EED: variants seen among roughly 807,000 people sequenced by gnomAD.
EED encodes the protein polycomb protein EED.
Under a neutral mutation model 61.0 loss-of-function variants are expected in EED, and 9 were observed. That is an observed-to-expected ratio of 0.15 (90% confidence interval 0.09 to 0.26). The LOEUF (loss-of-function observed/expected upper bound fraction) is 0.26. Among genes scored for constraint, EED ranks in the 10% least tolerant of loss-of-function variants. The pLI, the probability that EED is intolerant of heterozygous loss-of-function variation, is 1.00. For missense variants in EED, 315 were observed against 542.3 expected (o/e 0.58, Z 4.16); for synonymous variants, 187 against 174.4 (o/e 1.07, Z -0.57).
At chr11:86,268,594 C>CGTGTGTATGT in intron 9 of EED, 33 bp downstream of exon 9, 1 of 819,598 alleles carries the variant, frequency 1.2e-6, no homozygotes. Flanking sequence ...GTACTTCCAT[C>CGTGTGTATGT]GTGTGTGTGT....
chr11:86,268,446 C>T lies in EED; in HGVS notation c.861-10C>T. On this transcript the variant is annotated splice_polypyrimidine_tract_variant and intron_variant, in intron 8 of 11. Transcript: ENST00000263360. The stretch of plus-strand genomic sequence containing the variant: ...TCTTTTAACTTTTTACATTTCCATT[C>T]TTCCTTCAGGCCATTTATTTCTCAG... The T allele has an allele frequency of 6.9e-7, 1 of 1,454,156 alleles. No individual in the cohort carries two copies. The allele number at this position is 1,454,156 out of a possible 1,614,324, so 90.1% of individuals were successfully genotyped here.
At chr11:86,264,453 A>ATTTT (rs71468992) in intron 7 of EED, 190 bp downstream of exon 7, 61 of 422,022 alleles carry the variant, frequency 1.4e-4, no homozygotes, top group African/African-American at 9.7e-4. Flanking sequence ...TTATTTATTT[A>ATTTT]TTTTTTAAAT....
At chr11:86,268,378 TA>T in intron 8 of EED, 77 bp from the exon 9 acceptor site, 2 of 995,686 alleles carry the variant, frequency 2.0e-6, no homozygotes, top group Non-Finnish European at 2.9e-6. Flanking sequence ...CCAAGTTTTA[TA>T]AATCCAAAAA....
chr11:86,255,369 A>G (rs761747411), intron 4 of EED, 82 bp downstream of exon 4: 3 of 1,112,046 alleles, frequency 2.7e-6, no homozygotes, highest in African/African-American at 1.6e-5. Flanking sequence ...TAAATTAATC[A>G]TTTCCCTAAA....
intron 9 of EED, chr11:86,276,678 G>A (rs1593774246): frequency 5.1e-6 from 1 of 196,476 alleles, no homozygotes; most frequent in Non-Finnish European, 1.0e-5. Context: ...AAGTCTCTGG[G>A]TGTCAGAGTA....
the EED span, among the ~76,000 whole-genome samples, chr11:86,286,380 GA>G: frequency 2.6e-5 from 4 of 151,322 alleles, no homozygotes; most frequent in African/African-American, 9.7e-5. Context: ...TGTTTCGAAG[GA>G]AAAAAAATGG....
intron 9 of EED, chr11:86,276,073 G>C (rs1337895883): frequency 6.6e-6 from 1 of 152,078 alleles, no homozygotes; most frequent in Non-Finnish European, 1.5e-5. Context: ...ATTTAGTTTA[G>C]GCCAGATAAT....
intron 1 of EED, among the ~76,000 whole-genome samples, chr11:86,246,648 A>G (rs1344724905): frequency 6.6e-6 from 1 of 152,178 alleles, no homozygotes; most frequent in South Asian, 2.1e-4. Flanking sequence ...TGTGCGCCCC[A>G]ATCTCACTGT....
At chr11:86,279,997 A>T (rs759822512), downstream of EED, among the ~76,000 whole-genome samples, 4 of 152,212 alleles carry the variant, frequency 2.6e-5, no homozygotes, top group Non-Finnish European at 4.4e-5. Flanking sequence ...CACATAATGA[A>T]ATCCTTCCTG....
At chr11:86,279,863 T>C (rs1370719516), downstream of EED, among the ~76,000 whole-genome samples, 2 of 152,190 alleles carry the variant, frequency 1.3e-5, no homozygotes, top group Non-Finnish European at 2.9e-5. Flanking sequence ...GAAATTTTAA[T>C]AGGAACTTCA....
At chr11:86,277,854 C>T in intron 10 of EED, 64 bp from the exon 11 acceptor site, 1 of 1,439,348 alleles carries the variant, frequency 6.9e-7, no homozygotes, top group Non-Finnish European at 9.2e-7. Flanking sequence ...TCTGAGGATT[C>T]CTCCAATGCT....
At chr11:86,276,118 A>C (rs998559191) in intron 9 of EED, 1 of 152,168 alleles carries the variant, frequency 6.6e-6, no homozygotes, top group African/African-American at 2.4e-5. Flanking sequence ...GTGCATTATA[A>C]GATATTTAGT....
chr11:86,269,271 T>C (rs549781591), intron 9 of EED, among the ~76,000 whole-genome samples: 5 of 152,256 alleles, frequency 3.3e-5, no homozygotes, highest in Admixed American at 2.6e-4. Flanking sequence ...TTGTACCATT[T>C]TGGTAAAGTT....
In EED at chr11:86,264,353, T is replaced by C; in HGVS notation, c.726+90T>C. On this transcript the variant is annotated intron_variant, in intron 7 of 11. Transcript: ENST00000263360. ...CTGTTTCCTTATAAGAAAGTGTGTTTCATGTAGCCTGTCAGGCAGACATTC... is the reference window on the plus strand; with the variant it reads ...CTGTTTCCTTATAAGAAAGTGTGTTCCATGTAGCCTGTCAGGCAGACATTC... 4.6e-6 allele frequency: 4 copies of C among 869,802 alleles called. No homozygotes were observed. The South Asian group carries it at 5.5e-5, about 12-fold the overall frequency. The allele number at this position is 869,802 out of a possible 1,614,324, so 53.9% of individuals were successfully genotyped here. A position where few individuals can be genotyped will look rare whatever the true frequency, so the allele number is the denominator to read the frequency against.
chr11:86,253,768 C>T lies in EED; in HGVS notation c.361-1454C>T, dbSNP rs181959095. On this transcript the variant is annotated intron_variant, in intron 3 of 11. Coordinates refer to ENST00000263360, the MANE Select transcript of EED (RefSeq NM_003797.5). ...ACTATAAGCTATAAGAAAAATGGGG[C>T]CGGGCACAGTGGCTCACGCCTGTAA... Among the ~76,000 whole-genome samples, 15 of 152,048 alleles carry T rather than the reference C, an allele frequency of 9.9e-5. No individual in the cohort carries two copies. The East Asian group carries it at 2.5e-3, about 25-fold the overall frequency.
chr11:86,282,749 G>A (rs986929748), downstream of EED, among the ~76,000 whole-genome samples: 6 of 152,006 alleles, frequency 3.9e-5, no homozygotes, highest in Non-Finnish European at 5.9e-5. Context: ...ATACAGTCTC[G>A]TCATAACTAT....
chr11:86,250,245 T>TA (rs778065635), intron 1 of EED, 51 bp from the exon 2 acceptor site: 50 of 1,415,454 alleles, frequency 3.5e-5, no homozygotes, highest in Non-Finnish European at 9.3e-7. Context: ...TATTTACTGC[T>TA]AAAAACAGTA....
intron 8 of EED, 75 bp downstream of exon 8, chr11:86,266,291 C>T (rs1387389514): frequency 7.7e-7 from 1 of 1,303,258 alleles, no homozygotes; most frequent in African/African-American, 1.5e-5. Flanking sequence ...CCCAAAATTG[C>T]TATATAAGCC....
intron 6 of EED, among the ~76,000 whole-genome samples, chr11:86,258,547 GT>G (rs1378997383): frequency 7.4e-6 from 1 of 134,764 alleles, no homozygotes; most frequent in Admixed American, 7.6e-5. Flanking sequence ...TCTTTTCTTT[GT>G]TTTTTGGTTT....
Sources: allele counts gnomAD v4.1 joint callset (sites outside exome capture counted in the v4.1 genomes callset), GRCh38; gene constraint gnomAD v4.1.1; transcripts MANE v1.5; gene names NCBI Gene and HGNC (gene_info 2026-07-23, HGNC 2026-07-21).